NPIPB2: variants seen among roughly 807,000 people sequenced by gnomAD.
NPIPB2 encodes nuclear pore complex-interacting protein family member B2.
A neutral mutation model predicts 30.8 loss-of-function variants in NPIPB2; 27 were observed. The ratio of observed to expected loss-of-function variants is 0.88; its 90% CI spans 0.65 to 1.21. The LOEUF is 1.21. Ranked by LOEUF, NPIPB2 falls within the 50% of genes most tolerant of loss-of-function variation. The probability of loss-of-function intolerance (pLI) is 0.00; values close to 1 mark genes in which losing one functional copy is unlikely to be tolerated. For synonymous variants in NPIPB2, 147 were observed against 162.0 expected (o/e 0.91, Z 0.70); for missense variants, 440 against 446.2 (o/e 0.99, Z 0.13).
At chr16:11,945,617 T>A (rs538443869), upstream of NPIPB2, among the ~76,000 whole-genome samples, 5 of 151,404 alleles carry the variant, frequency 3.3e-5, no homozygotes, top group Admixed American at 6.6e-5. Context: ...GGTGGATGCT[T>A]CACTGAGCTG....
chr16:11,951,839 A>G (rs2055068918), intron 1 of NPIPB2, among the ~76,000 whole-genome samples: 1 of 151,830 alleles, frequency 6.6e-6, no homozygotes, highest in Non-Finnish European at 1.5e-5. Context: ...CATCCTGGCT[A>G]ACAGGTTGAA....
chr16:11,949,576 A>AAT (rs2150926031), intron 1 of NPIPB2, among the ~76,000 whole-genome samples: 1 of 152,338 alleles, frequency 6.6e-6, no homozygotes, highest in South Asian at 2.1e-4. Context: ...AGGCTGAGAA[A>AAT]ATATACAGCA....
chr16:11,967,927 C>A, intron 1 of NPIPB2: 1 of 1,491,272 alleles, frequency 6.7e-7, no homozygotes, highest in Non-Finnish European at 9.0e-7. Flanking sequence ...TTTAGGATGA[C>A]TGTATTTTTC....
In NPIPB2 at chr16:11,971,785, G is replaced by A. The variant is rs73513671; in HGVS notation, c.-584+4783C>T. Among the ~76,000 whole-genome samples the A allele has an allele frequency of 3.0e-3, 450 of 152,166 alleles. 1 individual carries two copies. The highest frequency in any genetic ancestry group is 0.01 in the African/African-American group (429 of 41,520). On this transcript the variant is annotated intron_variant, in intron 1 of 5. Transcript: ENST00000538896. Reference sequence around the variant, plus strand: ...GCTGGGATTACAGGTGCGAGCTACCGTGCTCCTGGCCTAGATTCAAAGATT... The same window carrying A: ...GCTGGGATTACAGGTGCGAGCTACCATGCTCCTGGCCTAGATTCAAAGATT...
intron 1 of NPIPB2, among the ~76,000 whole-genome samples, chr16:11,957,534 T>G (rs1278021083): frequency 1.3e-5 from 2 of 151,890 alleles, no homozygotes; most frequent in African/African-American, 4.8e-5. Flanking sequence ...CCTCAAATGG[T>G]CTGCCCGCCT....
In NPIPB2 at chr16:11,952,718, C is replaced by T. The variant is rs139063804; in HGVS notation, c.-583-10604G>A. Among the ~76,000 whole-genome samples the T allele has an allele frequency of 2.4e-3, 358 of 152,086 alleles. 3 individuals carry two copies. Among genetic ancestry groups the T allele is most frequent in the African/African-American group, 8.2e-3 (341 of 41,486 alleles). ...TAGTTGGGACTACAGGCACGTGCCA[C>T]CATGCCTGGCTAATTTTTGCATTTT... On this transcript the variant is annotated intron_variant, in intron 1 of 5. Coordinates refer to the NPIPB2 transcript ENST00000538896.
chr16:11,951,564 A>G (rs1057313797), intron 1 of NPIPB2, among the ~76,000 whole-genome samples: 3 of 150,814 alleles, frequency 2.0e-5, no homozygotes, highest in Non-Finnish European at 2.9e-5. Context: ...CTTCTCCTCA[A>G]TACAGAACCA....
chr16:11,974,929 G>T (rs1008904142), intron 1 of NPIPB2, among the ~76,000 whole-genome samples: 1 of 151,516 alleles, frequency 6.6e-6, no homozygotes, highest in African/African-American at 2.4e-5. Context: ...CAAAAAATTA[G>T]CCGGGTATGG....
chr16:11,968,008 T>C (rs1251257798), intron 1 of NPIPB2: 2 of 786,378 alleles, frequency 2.5e-6, no homozygotes, highest in African/African-American at 1.8e-5. Context: ...TCTAGGTTAC[T>C]GTTGGGAGCT....
intron 1 of NPIPB2, among the ~76,000 whole-genome samples, chr16:11,975,376 T>C (rs1222884628): frequency 6.7e-6 from 1 of 150,270 alleles, no homozygotes; most frequent in Non-Finnish European, 1.5e-5. Context: ...CTCGATCTCC[T>C]GACCTCGTGA....
chr16:11,961,711 C>G (rs188400569), intron 1 of NPIPB2, among the ~76,000 whole-genome samples: 2 of 147,866 alleles, frequency 1.4e-5, no homozygotes, highest in African/African-American at 2.5e-5. Flanking sequence ...ACCTGGGAGA[C>G]GGAGGTTGCA....
chr16:11,956,904 A>T (rs2055117121), intron 1 of NPIPB2, among the ~76,000 whole-genome samples: 1 of 152,198 alleles, frequency 6.6e-6, no homozygotes, highest in African/African-American at 2.4e-5. Flanking sequence ...GGCCCCCAGG[A>T]GGGCTCCACA....
intron 1 of NPIPB2, among the ~76,000 whole-genome samples, chr16:11,969,537 G>C (rs113409725): frequency 0.01 from 1,532 of 152,316 alleles, 32 homozygotes; most frequent in African/African-American, 0.035. Flanking sequence ...TTACAGGCGT[G>C]AGCCACTGTG....
chr16:11,935,666 C>T (rs1436397583), intron 2 of NPIPB2, among the ~76,000 whole-genome samples: 2 of 150,642 alleles, frequency 1.3e-5, no homozygotes, highest in African/African-American at 4.9e-5. Flanking sequence ...CTGATTTCTG[C>T]ACATAGGATA....
At chr16:11,943,518 A>G (rs2054967310), upstream of NPIPB2, among the ~76,000 whole-genome samples, 1 of 151,540 alleles carries the variant, frequency 6.6e-6, no homozygotes, top group African/African-American at 2.4e-5. Flanking sequence ...ACTGACCAAC[A>G]TGGTGAAACC....
exon 8 of NPIPB2, chr16:11,927,633 C>A: frequency 6.3e-7 from 1 of 1,599,118 alleles, no homozygotes; most frequent in Non-Finnish European, 8.5e-7. Context: ...GAGGGTGGAG[C>A]TGAGGGTGGA....
chr16:11,948,493 G>A (rs1372088293), intron 1 of NPIPB2, among the ~76,000 whole-genome samples: 4 of 152,108 alleles, frequency 2.6e-5, no homozygotes, highest in Admixed American at 1.3e-4. Flanking sequence ...CTTACTGGGC[G>A]CAGTGGCTCA....
At chr16:11,967,644 G>C in intron 1 of NPIPB2, 1 of 1,614,154 alleles carries the variant, frequency 6.2e-7, no homozygotes, top group East Asian at 2.2e-5. Flanking sequence ...TCTTCCGAGA[G>C]GCCTCGAGTA....
chr16:11,948,273 C>A (rs1018097228), intron 1 of NPIPB2, among the ~76,000 whole-genome samples: 5 of 152,024 alleles, frequency 3.3e-5, no homozygotes, highest in African/African-American at 1.2e-4. Flanking sequence ...AAGAAGCACT[C>A]CTAATGAACT....
Sources: gnomAD v4.1 joint callset for allele counts (sites outside exome capture counted in the v4.1 genomes callset) on GRCh38, gnomAD v4.1.1 for gene constraint, MANE v1.5 for transcripts, NCBI Gene and HGNC (gene_info 2026-07-23, HGNC 2026-07-21) for gene names.